Variants in COL4A2 observed in about 807,000 individuals in gnomAD.
COL4A2 encodes collagen alpha-2(IV) chain.
A neutral mutation model predicts 200.2 loss-of-function variants in COL4A2; 99 were observed. The observed-to-expected ratio is 0.49, with a 90% CI of 0.42 to 0.58. COL4A2 has a LOEUF of 0.58. COL4A2 is among the 20% of genes least tolerant of loss of function. COL4A2 has a pLI of 0.00. For synonymous variants in COL4A2, 897 were observed against 900.6 expected (o/e 1.00, Z 0.07); for missense variants, 1,950 against 2,314.1 (o/e 0.84, Z 3.23).
chr13:110,488,288 G>A (rs1594104184), intron 34 of COL4A2, among the ~76,000 whole-genome samples: 1 of 152,218 alleles, frequency 6.6e-6, no homozygotes, highest in Non-Finnish European at 1.5e-5. Flanking sequence ...GCCTCCCAAA[G>A]TGCTGGGATT....
At chr13:110,456,648 T>C (rs1232791809) in intron 20 of COL4A2, 1 of 398,978 alleles carries the variant, frequency 2.5e-6, no homozygotes, top group African/African-American at 2.1e-5. Flanking sequence ...TTTATGAAAT[T>C]GGGTTTATGG....
At chr13:110,433,686 G>C (rs143511201) in intron 11 of COL4A2, among the ~76,000 whole-genome samples, 1 of 152,244 alleles carries the variant, frequency 6.6e-6, no homozygotes, top group African/African-American at 2.4e-5. Context: ...GAAACCCTGG[G>C]AAAGAAGCAA....
chr13:110,358,152 A>G (rs1877367700), intron 4 of COL4A2, among the ~76,000 whole-genome samples: 1 of 152,232 alleles, frequency 6.6e-6, no homozygotes, highest in Non-Finnish European at 1.5e-5. Context: ...AGCTGTACAA[A>G]CATATTTTCT....
chr13:110,472,154 C>T lies in COL4A2; in HGVS notation c.2204-775C>T, dbSNP rs563301699. On this transcript the variant is annotated intron_variant, in intron 28 of 47. Transcript: ENST00000360467. ...CTTTTGAGATGGAATCTCACTCTGT[C>T]GCCCAGGCTGGAGTGCAGTGGTGCG... Among the ~76,000 whole-genome samples the T allele has an allele frequency of 1.2e-3, 76 of 63,694 alleles. 1 individual carries two copies. In the South Asian group the frequency reaches 0.036, roughly 31 times the overall value. The allele number at this position is 63,694 out of a possible 152,430, so 41.8% of individuals were successfully genotyped here.
chr13:110,322,929 G>A (rs375969736), intron 3 of COL4A2, among the ~76,000 whole-genome samples: 4 of 152,362 alleles, frequency 2.6e-5, no homozygotes, highest in East Asian at 1.9e-4. Flanking sequence ...GAGGCCGCCC[G>A]AGTCAGGTCA....
Position 110,501,398 on chromosome 13 carries a change from G to A in COL4A2, c.3761-270G>A, listed in dbSNP as rs61970343. ...GATCGGGCAGCGCCTTGGGGAAGTCGAGCACAGGCAGACAGGATCCCAGTG... is the reference window on the plus strand; with the variant it reads ...GATCGGGCAGCGCCTTGGGGAAGTCAAGCACAGGCAGACAGGATCCCAGTG... On this transcript the variant is annotated intron_variant, in intron 40 of 47. Transcript: ENST00000360467. Among the ~76,000 whole-genome samples, 2,435 of 152,248 alleles carry A rather than the reference G, an allele frequency of 0.016. 28 individuals are homozygous for A. Among genetic ancestry groups the A allele is most frequent in the Middle Eastern group, 0.027 (8 of 294 alleles).
intron 40 of COL4A2, among the ~76,000 whole-genome samples, chr13:110,499,732 G>A (rs1309029230): frequency 1.3e-5 from 2 of 152,208 alleles, no homozygotes; most frequent in Non-Finnish European, 2.9e-5. Flanking sequence ...AGAAATCATA[G>A]CGGTTTCCGT....
intron 4 of COL4A2, among the ~76,000 whole-genome samples, chr13:110,413,729 G>A (rs550169403): frequency 6.2e-4 from 95 of 152,338 alleles, no homozygotes; most frequent in Non-Finnish European, 1.2e-3. Flanking sequence ...GGGCAAGGCA[G>A]ACAGGTCTCT....
intron 3 of COL4A2, chr13:110,328,397 G>A (rs1280620379): frequency 6.6e-6 from 1 of 152,134 alleles, no homozygotes; most frequent in Non-Finnish European, 1.5e-5. Context: ...GCTTGGCATG[G>A]GAGAAGAGAC....
At chr13:110,491,970 C>G in intron 37 of COL4A2, 100 bp from the exon 38 acceptor site, 1 of 1,037,126 alleles carries the variant, frequency 9.6e-7, no homozygotes, top group East Asian at 2.7e-5. Context: ...CCTTCCGGCC[C>G]TCGGCCCCTC....
Position 110,432,211 on chromosome 13 carries a change from T to C in COL4A2, c.649-114T>C, listed in dbSNP as rs1294959407. The C allele has an allele frequency of 3.8e-6, 5 of 1,331,006 alleles. No individual in the cohort carries two copies. The East Asian group carries it at 1.1e-4, about 30-fold the overall frequency. 82.4% of individuals were successfully genotyped at this position (1,331,006 alleles called of 1,614,324 possible). On this transcript the variant is annotated intron_variant, in intron 10 of 47. Transcript: ENST00000360467. The stretch of plus-strand genomic sequence containing the variant: ...CAAATGCATCAGAAACCTCCATGCA[T>C]CCTACACTGTGTCCTAAATATACAG...
chr13:110,327,124 C>A (rs1474800205), intron 3 of COL4A2, among the ~76,000 whole-genome samples: 1 of 152,176 alleles, frequency 6.6e-6, no homozygotes, highest in African/African-American at 2.4e-5. Flanking sequence ...ACACACACAC[C>A]CCTCCTGCTC....
intron 4 of COL4A2, among the ~76,000 whole-genome samples, chr13:110,395,927 G>A (rs549857523): frequency 1.3e-5 from 2 of 152,154 alleles, no homozygotes; most frequent in African/African-American, 4.8e-5. Context: ...TCTGGGCAAC[G>A]GAGCAAGATT....
chr13:110,313,432 C>T lies in COL4A2; in HGVS notation c.99+5309C>T, dbSNP rs116613657. 6.5e-3 allele frequency among the ~76,000 whole-genome samples: 988 copies of T among 151,664 alleles called. 17 individuals are homozygous for T. The highest frequency in any genetic ancestry group is 0.023 in the African/African-American group (938 of 41,024). Reference sequence around the variant, plus strand: ...CAGAGAGTGAATTTCAAAGGACGTGCGAGCAGCCGGCGTCCACCCGGCAGG... The same window carrying T: ...CAGAGAGTGAATTTCAAAGGACGTGTGAGCAGCCGGCGTCCACCCGGCAGG... On this transcript the variant is annotated intron_variant, in intron 3 of 47. Transcript: ENST00000360467.
chr13:110,498,628 T>C (rs1485350682), intron 40 of COL4A2, among the ~76,000 whole-genome samples: 1 of 152,246 alleles, frequency 6.6e-6, no homozygotes, highest in Non-Finnish European at 1.5e-5. Context: ...TCATTTATTT[T>C]CCACTTAATA....
At chr13:110,474,117 ACT>A (rs1235908932) in intron 29 of COL4A2, among the ~76,000 whole-genome samples, 1 of 146,154 alleles carries the variant, frequency 6.8e-6, no homozygotes, top group Non-Finnish European at 1.5e-5. Flanking sequence ...ACAGAGTGAG[ACT>A]CTGTCTCAAA....
intron 4 of COL4A2, among the ~76,000 whole-genome samples, chr13:110,368,861 G>T (rs111269249): frequency 0.49 from 58,302 of 120,066 alleles, 11,939 homozygotes; most frequent in Middle Eastern, 0.64. Flanking sequence ...GGGGGGGGGG[G>T]TTGAGCTCAA....
intron 41 of COL4A2, 125 bp from the exon 42 acceptor site, chr13:110,502,996 C>T: frequency 1.1e-6 from 1 of 872,322 alleles, no homozygotes; most frequent in Non-Finnish European, 1.8e-6. Context: ...AAAACATAGA[C>T]AAAGTCATTC....
intron 3 of COL4A2, among the ~76,000 whole-genome samples, chr13:110,345,705 G>T (rs1594159868): frequency 6.6e-6 from 1 of 152,278 alleles, no homozygotes; most frequent in South Asian, 2.1e-4. Context: ...AACATGAAGG[G>T]TGGCCATCTA....
Sources: gnomAD v4.1 joint callset for allele counts (sites outside exome capture counted in the v4.1 genomes callset) on GRCh38, gnomAD v4.1.1 for gene constraint, MANE v1.5 for transcripts, NCBI Gene and HGNC (gene_info 2026-07-23, HGNC 2026-07-21) for gene names.